KCTD4: variants seen among roughly 807,000 people sequenced by gnomAD.
KCTD4 encodes BTB/POZ domain-containing protein KCTD4.
In KCTD4, 12 loss-of-function variants were observed where a neutral mutation model predicts 18.3. That is an observed-to-expected ratio of 0.66 (90% CI 0.42 to 1.06). The LOEUF is 1.06. KCTD4 is among the 50% of genes least tolerant of loss of function. The pLI, the probability that KCTD4 is intolerant of heterozygous loss-of-function variation, is 0.00. For synonymous variants in KCTD4, 124 were observed against 110.5 expected, an observed-to-expected ratio of 1.12 and a Z score of -0.76; for missense variants, 250 against 303.4, an observed-to-expected ratio of 0.82 and a Z score of 1.31.
At chr13:45,196,671 G>A (rs1237513470) in intron 1 of KCTD4, among the ~76,000 whole-genome samples, 1 of 152,220 alleles carries the variant, frequency 6.6e-6, no homozygotes, top group East Asian at 1.9e-4. Flanking sequence ...TAGTGATGGA[G>A]ACTGTGCTAG....
chr13:45,200,389 A>G (rs1281062566), intron 1 of KCTD4, among the ~76,000 whole-genome samples: 1 of 151,234 alleles, frequency 6.6e-6, no homozygotes. Flanking sequence ...TTGCAACCTC[A>G]ACCTCCTGGG....
chr13:45,199,431 A>G (rs1873065940), intron 1 of KCTD4, among the ~76,000 whole-genome samples: 1 of 152,210 alleles, frequency 6.6e-6, no homozygotes, highest in Non-Finnish European at 1.5e-5. Context: ...CATGTTTTAC[A>G]TGTACTTTGG....
intron 1 of KCTD4, among the ~76,000 whole-genome samples, chr13:45,198,404 T>C (rs1163407288): frequency 6.6e-6 from 1 of 152,206 alleles, no homozygotes. Flanking sequence ...GACTGGAAGA[T>C]ACAAAAAGTA....
At chr13:45,197,509 CAAAA>C (rs1195927657) in intron 1 of KCTD4, among the ~76,000 whole-genome samples, 1 of 91,488 alleles carries the variant, frequency 1.1e-5, no homozygotes, top group Non-Finnish European at 2.2e-5. Context: ...ACCCTGTCTC[CAAAA>C]AAAAAAAAAA....
At position 45,193,633 on chromosome 13, in the gene KCTD4, T is replaced by C. The variant is rs561599305; in HGVS notation, c.*155A>G. 93 of 650,392 alleles carry C rather than the reference T, an allele frequency of 1.4e-4. No individual in the cohort carries two copies. Among genetic ancestry groups the C allele is most frequent in the Non-Finnish European group, 2.1e-4 (82 of 386,088 alleles). The allele number at this position is 650,392 out of a possible 1,614,324, so 40.3% of individuals were successfully genotyped here. On this transcript the variant is annotated 3_prime_UTR_variant, in exon 2 of 2. Transcript: ENST00000379108. ...CCCAGAGGAAGGACATCTTTAGCGATAGAATTTACATACCGTTAGCTCACA... is the reference window on the plus strand; with the variant it reads ...CCCAGAGGAAGGACATCTTTAGCGACAGAATTTACATACCGTTAGCTCACA...
intron 1 of KCTD4, among the ~76,000 whole-genome samples, chr13:45,197,906 A>C (rs1593486007): frequency 2.0e-5 from 3 of 152,234 alleles, no homozygotes; most frequent in Admixed American, 1.3e-4. Context: ...TAAACCACAC[A>C]TGTCAAAGAT....
chr13:45,194,600 T>C lies in KCTD4; in HGVS notation c.-33A>G. ...AGATGCTATTTCAGCTTGTTCTTCTTGGCTTTGAGATTTTTTAAAAAGAGA... is the reference window on the plus strand; with the variant it reads ...AGATGCTATTTCAGCTTGTTCTTCTCGGCTTTGAGATTTTTTAAAAAGAGA... On this transcript the variant is annotated 5_prime_UTR_variant, in exon 2 of 2. Transcript: ENST00000379108. 1 of 1,575,570 alleles carries C rather than the reference T, an allele frequency of 6.3e-7. No homozygotes were observed. Among genetic ancestry groups the C allele is most frequent in the Non-Finnish European group, 8.6e-7 (1 of 1,160,224 alleles).
chr13:45,194,832 A>G lies in KCTD4; in HGVS notation c.-187-78T>C, dbSNP rs575814807. The G allele has an allele frequency of 8.2e-5, 38 of 462,584 alleles. No individual in the cohort carries two copies. The East Asian group carries it at 1.1e-3, about 13-fold the overall frequency. The allele number at this position is 462,584 out of a possible 1,614,324, so 28.7% of individuals were successfully genotyped here. ...TTGTTGTGAAAGGATTTTCATGTCTATCCTTTGAAGTAATAAGAGTTACTC... is the reference window on the plus strand; with the variant it reads ...TTGTTGTGAAAGGATTTTCATGTCTGTCCTTTGAAGTAATAAGAGTTACTC... On this transcript the variant is annotated intron_variant, in intron 1 of 1. Coordinates refer to ENST00000379108, the MANE Select transcript of KCTD4 (RefSeq NM_198404.3).
In KCTD4 at chr13:45,200,876, A is replaced by G. The variant is rs1024430529; in HGVS notation, c.-240T>C. On this transcript the variant is annotated 5_prime_UTR_variant, in exon 1 of 2. Transcript: ENST00000379108. The stretch of plus-strand genomic sequence containing the variant: ...GTCTTTTCCCAGAGAGTGTCGACAC[A>G]GGTGTGATGTAATTAAGAGTCAGGA... Among the ~76,000 whole-genome samples the G allele has an allele frequency of 7.2e-5, 11 of 152,228 alleles. No individual in the cohort carries two copies. The highest frequency in any genetic ancestry group is 2.7e-4 in the African/African-American group (11 of 41,444).
chr13:45,197,111 C>T (rs767344111), intron 1 of KCTD4, among the ~76,000 whole-genome samples: 6 of 151,862 alleles, frequency 4.0e-5, no homozygotes, highest in Non-Finnish European at 7.4e-5. Flanking sequence ...GGCCTGGCAA[C>T]AGTAGTATAA....
At chr13:45,195,376 C>T (rs1250141218) in intron 1 of KCTD4, among the ~76,000 whole-genome samples, 2 of 151,976 alleles carry the variant, frequency 1.3e-5, no homozygotes, top group South Asian at 2.1e-4. Context: ...TTGTTTCACT[C>T]GGAGCCTGCT....
At chr13:45,199,935 G>A (rs926930598) in intron 1 of KCTD4, among the ~76,000 whole-genome samples, 2 of 152,160 alleles carry the variant, frequency 1.3e-5, no homozygotes, top group South Asian at 4.1e-4. Context: ...GGATGTGATG[G>A]CTCAAGGGAG....
In KCTD4 at chr13:45,200,877, G is replaced by T. The variant is rs903154988; in HGVS notation, c.-241C>A. On this transcript the variant is annotated 5_prime_UTR_variant, in exon 1 of 2. In the 5' UTR this introduces an upstream ATG that the reference lacks. Coordinates refer to ENST00000379108, the MANE Select transcript of KCTD4 (RefSeq NM_198404.3). The stretch of plus-strand genomic sequence containing the variant: ...TCTTTTCCCAGAGAGTGTCGACACA[G>T]GTGTGATGTAATTAAGAGTCAGGAG... Among the ~76,000 whole-genome samples the T allele has an allele frequency of 6.6e-6, 1 of 152,172 alleles. No homozygotes were observed. Among genetic ancestry groups the T allele is most frequent in the Non-Finnish European group, 1.5e-5 (1 of 68,050 alleles).
At chr13:45,199,097 C>G (rs1052749403) in intron 1 of KCTD4, among the ~76,000 whole-genome samples, 3 of 152,188 alleles carry the variant, frequency 2.0e-5, no homozygotes, top group African/African-American at 7.2e-5. Flanking sequence ...ACAAACTGTG[C>G]CAAGTACTTG....
Position 45,194,558 on chromosome 13 carries a change from T to G in KCTD4, c.10A>C (p.Lys4Gln). The G allele has an allele frequency of 6.2e-7, 1 of 1,607,834 alleles. No individual in the cohort carries two copies. The highest frequency in any genetic ancestry group is 1.1e-5 in the South Asian group (1 of 90,102). Residue 4 changes from lysine (K) to glutamine (Q), a missense_variant, in exon 2 of 2, where the codon AAA becomes CAA. Lys to Gln is a moderately conservative substitution (Grantham distance 53, BLOSUM62 1). Transcript: ENST00000379108. ...TTTTCTTTTTCTCTTCTGTTTATTT[T>G]ACGCTCCATTTTTTGAAGATGCTAT... MER[K>Q]INRREKEKEY...
chr13:45,197,461 A>G (rs1872957531), intron 1 of KCTD4, among the ~76,000 whole-genome samples: 1 of 149,496 alleles, frequency 6.7e-6, no homozygotes, highest in Non-Finnish European at 1.5e-5. Context: ...GTGAGTGGAG[A>G]TAGCGCCACT....
chr13:45,200,227 A>T (rs961746798), intron 1 of KCTD4, among the ~76,000 whole-genome samples: 8 of 152,118 alleles, frequency 5.3e-5, no homozygotes, highest in African/African-American at 1.9e-4. Context: ...GGGAGGAGGG[A>T]AAGAATTTTG....
intron 1 of KCTD4, among the ~76,000 whole-genome samples, chr13:45,197,734 T>C (rs951281610): frequency 2.6e-5 from 4 of 152,188 alleles, no homozygotes; most frequent in Admixed American, 2.6e-4. Flanking sequence ...GGGTGTTGCT[T>C]GTCCAAGGTA....
chr13:45,196,670 A>G (rs1042881731), intron 1 of KCTD4, among the ~76,000 whole-genome samples: 1 of 152,202 alleles, frequency 6.6e-6, no homozygotes, highest in African/African-American at 2.4e-5. Context: ...ATAGTGATGG[A>G]GACTGTGCTA....
Sources: allele counts gnomAD v4.1 joint callset (sites outside exome capture counted in the v4.1 genomes callset), GRCh38; gene constraint gnomAD v4.1.1; transcripts MANE v1.5; gene names NCBI Gene and HGNC (gene_info 2026-07-23, HGNC 2026-07-21).